The following DIP2B variants were observed in gnomAD, a reference collection of about 807,000 sequenced individuals.
The protein encoded by DIP2B is disco-interacting protein 2 homolog B.
Under a neutral mutation model 198.0 loss-of-function variants are expected in DIP2B, and 76 were observed. The observed-to-expected ratio is 0.38, with a 90% CI of 0.32 to 0.46. The LOEUF is 0.46. Ranked by LOEUF, DIP2B falls within the 20% of genes least tolerant of loss-of-function variation. DIP2B has a pLI of 0.99. For missense variants in DIP2B, 1,559 were observed against 1,978.4 expected, an observed-to-expected ratio of 0.79 and a Z score of 4.02; for synonymous variants, 701 against 739.1, an observed-to-expected ratio of 0.95 and a Z score of 0.84.
At chr12:50,628,420 G>A (rs187148695) in intron 2 of DIP2B, among the ~76,000 whole-genome samples, 6 of 152,034 alleles carry the variant, frequency 3.9e-5, no homozygotes, top group Non-Finnish European at 8.8e-5. Context: ...TGATGAAAAC[G>A]ACAAAAAATT....
chr12:50,538,842 T>G (rs2139371990), intron 1 of DIP2B, among the ~76,000 whole-genome samples: 1 of 152,276 alleles, frequency 6.6e-6, no homozygotes, highest in Non-Finnish European at 1.5e-5. Flanking sequence ...AGTATTTTAT[T>G]ACCAAACTGC....
intron 12 of DIP2B, among the ~76,000 whole-genome samples, chr12:50,688,571 G>A (rs1304476793): frequency 2.0e-5 from 3 of 152,242 alleles, no homozygotes; most frequent in Middle Eastern, 3.4e-3. Context: ...AGGATCACTT[G>A]AGCCCAGGAG....
chr12:50,544,909 G>A (rs777413139), intron 1 of DIP2B, among the ~76,000 whole-genome samples: 120 of 152,114 alleles, frequency 7.9e-4, no homozygotes, highest in Non-Finnish European at 1.2e-3. Flanking sequence ...GAGCCACCGC[G>A]CCTGGCTGAA....
intron 1 of DIP2B, among the ~76,000 whole-genome samples, chr12:50,513,458 C>G (rs1262057140): frequency 2.0e-5 from 3 of 152,192 alleles, no homozygotes; most frequent in African/African-American, 7.2e-5. Context: ...GACTTAGCAT[C>G]TACAAGCTAT....
rs147599326 is a variant in DIP2B, at chr12:50,626,022, A to C, written c.147A>C (p.Leu49=). Residue 49 remains leucine, a synonymous_variant, in exon 2 of 38, where the codon CTA becomes CTC. Coordinates refer to ENST00000301180, the MANE Select transcript of DIP2B (RefSeq NM_173602.3). Reference sequence around the variant, plus strand: ...ATGAAAAGAAAAGGTCCAAACTCCTATCTCCTTACAGCCCGCAGACACAAG... The same window carrying C: ...ATGAAAAGAAAAGGTCCAAACTCCTCTCTCCTTACAGCCCGCAGACACAAG... ...KGYEKKRSKL[L]SPYSPQTQET... The C allele has an allele frequency of 6.2e-7, 1 of 1,614,106 alleles. No homozygotes were observed. Among genetic ancestry groups the C allele is most frequent in the Admixed American group, 1.7e-5 (1 of 60,016 alleles).
intron 1 of DIP2B, among the ~76,000 whole-genome samples, chr12:50,539,029 T>A (rs1015410256): frequency 1.3e-5 from 2 of 152,204 alleles, no homozygotes; most frequent in African/African-American, 2.4e-5. Flanking sequence ...ATGGGATGCA[T>A]GCGTGTTGAG....
At position 50,571,119 on chromosome 12, in the gene DIP2B, G is replaced by A. The variant is rs538458024; in HGVS notation, c.101-54857G>A. Among the ~76,000 whole-genome samples, 3 of 151,886 alleles carry A rather than the reference G, an allele frequency of 2.0e-5. No homozygotes were observed. In the South Asian group the frequency reaches 6.3e-4, roughly 32 times the overall value. On this transcript the variant is annotated intron_variant, in intron 1 of 37. Transcript: ENST00000301180. Reference sequence around the variant, plus strand: ...CAATGTAGTGGAGGGGTTGGGGAAGGATGGGGTAGTAGGGAAGGTCTCAAA... The same window carrying A: ...CAATGTAGTGGAGGGGTTGGGGAAGAATGGGGTAGTAGGGAAGGTCTCAAA...
chr12:50,528,580 T>C (rs537338950), intron 1 of DIP2B, among the ~76,000 whole-genome samples: 14 of 152,160 alleles, frequency 9.2e-5, no homozygotes, highest in Non-Finnish European at 1.9e-4. Flanking sequence ...GTATCTAAAC[T>C]GGGCATATGG....
intron 1 of DIP2B, among the ~76,000 whole-genome samples, chr12:50,544,019 G>A (rs1958352601): frequency 6.6e-6 from 1 of 150,534 alleles, no homozygotes; most frequent in Admixed American, 6.6e-5. Flanking sequence ...CACGAGGTCA[G>A]GACATCGAGA....
intron 1 of DIP2B, among the ~76,000 whole-genome samples, chr12:50,516,241 C>CTCTCTCTCTCTCTCTCTA (rs1555180929): frequency 7.1e-6 from 1 of 140,998 alleles, no homozygotes; most frequent in African/African-American, 2.8e-5. Flanking sequence ...CTCTCTCTCT[C>CTCTCTCTCTCTCTCTCTA]TCTCTATCTC....
intron 3 of DIP2B, among the ~76,000 whole-genome samples, chr12:50,659,499 C>T (rs995277585): frequency 6.7e-6 from 1 of 150,124 alleles, no homozygotes; most frequent in Admixed American, 6.6e-5. Flanking sequence ...TAGCGGGATA[C>T]AAAATACTGT....
At chr12:50,602,321 T>G (rs1593647358) in intron 1 of DIP2B, among the ~76,000 whole-genome samples, 1 of 152,086 alleles carries the variant, frequency 6.6e-6, no homozygotes, top group African/African-American at 2.4e-5. Context: ...CAGGCTGGAG[T>G]GCAGTGGTGT....
At position 50,744,754 on chromosome 12, in the gene DIP2B, C is replaced by T; in HGVS notation, c.4646C>T (p.Ser1549Phe). 1 of 1,614,104 alleles carries T rather than the reference C, an allele frequency of 6.2e-7. No individual in the cohort carries two copies. Among genetic ancestry groups the T allele is most frequent in the Non-Finnish European group, 8.5e-7 (1 of 1,180,018 alleles). ...GACCCAGGTGTCATCCCGATCAACT[C>T]CAGAGGAGAGAAGCAGAGGATGCAC... ...VVDPGVIPIN[S>F]RGEKQRMHLR... is the part of the protein sequence containing the mutation. The change falls in exon 38 of 38, where the codon TCC (serine) becomes TTC (phenylalanine). Residue 1549 changes from serine (S) to phenylalanine (F), a missense_variant. Coordinates refer to ENST00000301180, the MANE Select transcript of DIP2B (RefSeq NM_173602.3).
intron 1 of DIP2B, among the ~76,000 whole-genome samples, chr12:50,596,586 C>G (rs1246080767): frequency 6.6e-6 from 1 of 152,166 alleles, no homozygotes; most frequent in Non-Finnish European, 1.5e-5. Flanking sequence ...GAATTCATGG[C>G]CAGGTGCCGT....
Position 50,714,535 on chromosome 12 carries a change from C to T in DIP2B, c.2790C>T (p.Asn930=), listed in dbSNP as rs1939678258. 1 of 1,614,180 alleles carries T rather than the reference C, an allele frequency of 6.2e-7. No homozygotes were observed. Among genetic ancestry groups the T allele is most frequent in the Non-Finnish European group, 8.5e-7 (1 of 1,180,032 alleles). Residue 930 remains asparagine (N), a synonymous_variant, in exon 23 of 38, where the codon AAC becomes AAT. Transcript: ENST00000301180. ...LFLEGSLHPC[N]ILMCPHTCVT... is the part of the protein sequence containing the mutation. ...TGGAGGGATCACTGCATCCTTGCAA[C>T]ATCCTCATGTGCCCCCATACATGTG...
At chr12:50,650,554 G>T (rs1287852187) in intron 3 of DIP2B, among the ~76,000 whole-genome samples, 1 of 152,142 alleles carries the variant, frequency 6.6e-6, no homozygotes, top group Non-Finnish European at 1.5e-5. Context: ...CTGGAATCAT[G>T]CAGTATTTGT....
chr12:50,556,096 CA>C (rs1958468514), intron 1 of DIP2B, among the ~76,000 whole-genome samples: 5 of 152,106 alleles, frequency 3.3e-5, no homozygotes, highest in Admixed American at 3.3e-4. Flanking sequence ...CTCTGTCACC[CA>C]AGCTGGAGTG....
In DIP2B at chr12:50,699,047, T is replaced by G; in HGVS notation, c.2189-19T>G. 6.2e-7 allele frequency: 1 copy of G among 1,612,488 alleles called. No homozygotes were observed. The highest frequency in any genetic ancestry group is 8.5e-7 in the Non-Finnish European group (1 of 1,179,440). On this transcript the variant is annotated intron_variant, in intron 18 of 37. Coordinates refer to ENST00000301180, the MANE Select transcript of DIP2B (RefSeq NM_173602.3). ...TTTCTAGAATCTTTGTCCTTTAACC[T>G]GTATTTTCTGTACGTTAGGGATGAT...
At chr12:50,590,982 G>T (rs1451842262) in intron 1 of DIP2B, among the ~76,000 whole-genome samples, 1 of 152,182 alleles carries the variant, frequency 6.6e-6, no homozygotes, top group Non-Finnish European at 1.5e-5. Flanking sequence ...TCTCTCTTGG[G>T]AGTGGGATTA....
Sources: allele counts gnomAD v4.1 joint callset (sites outside exome capture counted in the v4.1 genomes callset), GRCh38; gene constraint gnomAD v4.1.1; transcripts MANE v1.5; gene names NCBI Gene and HGNC (gene_info 2026-07-23, HGNC 2026-07-21).